Variants in ADGRV1 observed in about 807,000 individuals in gnomAD.
The protein encoded by ADGRV1 is adhesion G protein-coupled receptor V1.
Under a neutral mutation model 596.2 loss-of-function variants are expected in ADGRV1, and 359 were observed. The ratio of observed to expected loss-of-function variants is 0.60; its 90% CI spans 0.55 to 0.66. The LOEUF is 0.66. Ranked by LOEUF, ADGRV1 falls within the 30% of genes least tolerant of loss-of-function variation. The pLI is 0.00. For synonymous variants in ADGRV1, 2,681 were observed against 2,679.2 expected, an observed-to-expected ratio of 1.00 and a Z score of -0.02; for missense variants, 7,274 against 7,575.6, an observed-to-expected ratio of 0.96 and a Z score of 1.48.
At chr5:91,109,268 A>C (rs563374386) in intron 87 of ADGRV1, among the ~76,000 whole-genome samples, 12 of 152,306 alleles carry the variant, frequency 7.9e-5, no homozygotes, top group Non-Finnish European at 1.2e-4. Context: ...AAACTGTTGG[A>C]TATCAAGAGT....
At chr5:91,026,211 G>T (rs2662283) in intron 85 of ADGRV1, among the ~76,000 whole-genome samples, 97,650 of 151,870 alleles carry the variant, frequency 0.64, 31,616 homozygotes, top group South Asian at 0.68. Context: ...TTCTGTGCCT[G>T]ACAAACAAGA....
chr5:91,117,183 T>C lies in ADGRV1; in HGVS notation c.18432+14843T>C, dbSNP rs114962693. ...TAGCACAATTGATTATCAAATTTTA[T>C]AGTAAAATTTTTATTTGGAAAATTT... On this transcript the variant is annotated intron_variant, in intron 87 of 89. Coordinates refer to ENST00000405460, the MANE Select transcript of ADGRV1 (RefSeq NM_032119.4). Among the ~76,000 whole-genome samples, 1,383 of 152,286 alleles carry C rather than the reference T, an allele frequency of 9.1e-3. 19 individuals carry two copies. The highest frequency in any genetic ancestry group is 0.032 in the African/African-American group (1,310 of 41,556).
intron 53 of ADGRV1, among the ~76,000 whole-genome samples, chr5:90,751,933 T>C (rs1561657653): frequency 6.6e-6 from 1 of 152,232 alleles, no homozygotes; most frequent in Non-Finnish European, 1.5e-5. Context: ...TCATTTCTTA[T>C]ATAAACATGA....
chr5:91,012,251 T>A (rs1316314707), intron 85 of ADGRV1, among the ~76,000 whole-genome samples: 7 of 152,008 alleles, frequency 4.6e-5, no homozygotes, highest in Admixed American at 4.6e-4. Context: ...CAGCTTGGTC[T>A]ACAACTGTTA....
At chr5:90,822,449 C>A (rs1025039206) in intron 75 of ADGRV1, among the ~76,000 whole-genome samples, 1 of 151,940 alleles carries the variant, frequency 6.6e-6, no homozygotes, top group Non-Finnish European at 1.5e-5. Flanking sequence ...CTTCATGTGG[C>A]GTTATTTCTG....
intron 1 of ADGRV1, among the ~76,000 whole-genome samples, chr5:90,577,069 CCTATT>C (rs1036673769): frequency 6.6e-6 from 1 of 152,078 alleles, no homozygotes; most frequent in Non-Finnish European, 1.5e-5. Context: ...CTGTAGGTTG[CCTATT>C]CATGCTGATG....
chr5:90,827,346 T>C (rs1028174408), intron 76 of ADGRV1, among the ~76,000 whole-genome samples: 2 of 152,140 alleles, frequency 1.3e-5, no homozygotes, highest in African/African-American at 4.8e-5. Flanking sequence ...TTCAATAGAG[T>C]GTTTATTTCT....
At chr5:91,095,225 G>A (rs907029394) in intron 86 of ADGRV1, among the ~76,000 whole-genome samples, 2 of 150,946 alleles carry the variant, frequency 1.3e-5, no homozygotes, top group Non-Finnish European at 2.9e-5. Context: ...TTTTTTACAC[G>A]GGGTCTCACT....
intron 83 of ADGRV1, among the ~76,000 whole-genome samples, chr5:90,887,783 C>T (rs1299168304): frequency 6.6e-6 from 1 of 152,176 alleles, no homozygotes; most frequent in Non-Finnish European, 1.5e-5. Flanking sequence ...CTTGTCCCTC[C>T]TCTCTCATGC....
intron 1 of ADGRV1, among the ~76,000 whole-genome samples, chr5:90,579,652 G>C (rs374559206): frequency 6.6e-6 from 1 of 152,096 alleles, no homozygotes; most frequent in African/African-American, 2.4e-5. Context: ...TTCATGTCCT[G>C]GATATCCTTG....
chr5:91,033,012 G>A (rs1429230492), intron 85 of ADGRV1, among the ~76,000 whole-genome samples: 1 of 152,140 alleles, frequency 6.6e-6, no homozygotes, highest in African/African-American at 2.4e-5. Context: ...CAAATCTAGA[G>A]CCCTGTTAGT....
At chr5:91,132,925 G>A (rs575558610) in intron 87 of ADGRV1, among the ~76,000 whole-genome samples, 37 of 152,276 alleles carry the variant, frequency 2.4e-4, no homozygotes, top group Non-Finnish European at 4.3e-4. Context: ...TCATGCAGAG[G>A]CCTGTAAGAC....
intron 85 of ADGRV1, among the ~76,000 whole-genome samples, chr5:91,029,628 G>A (rs945936347): frequency 6.6e-6 from 1 of 152,070 alleles, no homozygotes; most frequent in South Asian, 2.1e-4. Context: ...CCAACACATG[G>A]TGTCTTGCTC....
At chr5:90,921,251 T>A (rs1773847967) in intron 83 of ADGRV1, among the ~76,000 whole-genome samples, 2 of 152,240 alleles carry the variant, frequency 1.3e-5, no homozygotes, top group Admixed American at 1.3e-4. Context: ...ACTGTGTGAA[T>A]GGGTGTGTTT....
intron 83 of ADGRV1, among the ~76,000 whole-genome samples, chr5:90,910,141 G>A (rs1772724979): frequency 6.6e-6 from 1 of 152,218 alleles, no homozygotes; most frequent in African/African-American, 2.4e-5. Flanking sequence ...AATAACATTT[G>A]TAAAGTGGTC....
At chr5:90,668,187 T>A (rs1771809254) in intron 21 of ADGRV1, among the ~76,000 whole-genome samples, 1 of 151,936 alleles carries the variant, frequency 6.6e-6, no homozygotes, top group South Asian at 2.1e-4. Flanking sequence ...GCCTGGGCAA[T>A]GGCGGGCGCC....
chr5:91,096,772 A>G (rs1294681916), intron 86 of ADGRV1, among the ~76,000 whole-genome samples: 1 of 152,198 alleles, frequency 6.6e-6, no homozygotes, highest in Non-Finnish European at 1.5e-5. Flanking sequence ...AGTGTCACAT[A>G]AGTACACTGA....
intron 83 of ADGRV1, among the ~76,000 whole-genome samples, chr5:90,891,810 G>T (rs1770851715): frequency 6.6e-6 from 1 of 151,852 alleles, no homozygotes; most frequent in Non-Finnish European, 1.5e-5. Flanking sequence ...TGCTATCATT[G>T]CTTATCCATG....
chr5:90,616,718 C>T (rs573148416), intron 2 of ADGRV1, among the ~76,000 whole-genome samples: 132 of 152,242 alleles, frequency 8.7e-4, no homozygotes, highest in African/African-American at 3.1e-3. Context: ...GGGAATATCC[C>T]TCACTTCAAA....
Sources: allele counts gnomAD v4.1 joint callset (sites outside exome capture counted in the v4.1 genomes callset), GRCh38; gene constraint gnomAD v4.1.1; transcripts MANE v1.5; gene names NCBI Gene and HGNC (gene_info 2026-07-23, HGNC 2026-07-21).